SGMS1: variants seen among roughly 807,000 people sequenced by gnomAD.
SGMS1 encodes phosphatidylcholine:ceramide cholinephosphotransferase 1.
Under a neutral mutation model 46.2 loss-of-function variants are expected in SGMS1, and 13 were observed. The observed-to-expected ratio is 0.28, with a 90% CI of 0.18 to 0.45. The LOEUF (loss-of-function observed/expected upper bound fraction) is 0.45, where lower values mean the gene tolerates loss of function less well. Among genes scored for constraint, SGMS1 ranks in the 20% least tolerant of loss-of-function variants. The pLI is 1.00. For synonymous variants in SGMS1, 203 were observed against 187.8 expected (o/e 1.08, Z -0.66); for missense variants, 324 against 519.9 (o/e 0.62, Z 3.66).
chr10:50,336,308 C>T (rs184924107), intron 7 of SGMS1, among the ~76,000 whole-genome samples: 10 of 152,262 alleles, frequency 6.6e-5, no homozygotes, highest in East Asian at 3.9e-4. Context: ...AGAGAGAAAA[C>T]GTACTAGAAA....
intron 2 of SGMS1, among the ~76,000 whole-genome samples, chr10:50,564,176 A>G (rs183850729): frequency 6.6e-6 from 1 of 152,342 alleles, no homozygotes; most frequent in Admixed American, 6.5e-5. Context: ...ACAGGTAGAA[A>G]GGATTTGGCA....
chr10:50,624,711 G>C, upstream of SGMS1: 1 of 985,440 alleles, frequency 1.0e-6, no homozygotes, highest in Non-Finnish European at 1.2e-6. Context: ...GTCGCCTGAA[G>C]GAAGGTTTTC....
intron 2 of SGMS1, among the ~76,000 whole-genome samples, chr10:50,543,357 C>T (rs1838072689): frequency 6.6e-6 from 1 of 152,204 alleles, no homozygotes; most frequent in Non-Finnish European, 1.5e-5. Flanking sequence ...GGCCCTCAAT[C>T]AAGTTATTTC....
At chr10:50,438,309 C>A (rs1468390196) in intron 5 of SGMS1, among the ~76,000 whole-genome samples, 2 of 152,188 alleles carry the variant, frequency 1.3e-5, no homozygotes, top group Non-Finnish European at 2.9e-5. Flanking sequence ...ATTGTAACAT[C>A]TACTCTGCTA....
At chr10:50,589,572 C>T (rs768190717) in intron 2 of SGMS1, among the ~76,000 whole-genome samples, 2 of 152,200 alleles carry the variant, frequency 1.3e-5, no homozygotes, top group East Asian at 1.9e-4. Context: ...TGGGCTCAAG[C>T]GATCCTCCCA....
chr10:50,444,250 C>T (rs986319257), intron 5 of SGMS1, among the ~76,000 whole-genome samples: 2 of 151,960 alleles, frequency 1.3e-5, no homozygotes, highest in Non-Finnish European at 2.9e-5. Context: ...ATTTTAAATA[C>T]AAAGTCACAG....
intron 5 of SGMS1, among the ~76,000 whole-genome samples, chr10:50,452,633 C>G (rs191750536): frequency 6.6e-6 from 1 of 151,966 alleles, no homozygotes; most frequent in East Asian, 1.9e-4. Flanking sequence ...AGGCCACAAC[C>G]CTAGTAATAC....
At chr10:50,525,127 G>A (rs1022989253) in intron 2 of SGMS1, among the ~76,000 whole-genome samples, 1 of 152,094 alleles carries the variant, frequency 6.6e-6, no homozygotes, top group African/African-American at 2.4e-5. Context: ...AGCTCTCAGA[G>A]GAAAGAATCT....
At chr10:50,614,106 T>C (rs928278023) in intron 1 of SGMS1, among the ~76,000 whole-genome samples, 1 of 142,428 alleles carries the variant, frequency 7.0e-6, no homozygotes, top group Non-Finnish European at 1.6e-5. Context: ...GAACAGGAAG[T>C]CTTTCTTTTT....
At chr10:50,401,792 T>TA (rs1848944512) in intron 6 of SGMS1, among the ~76,000 whole-genome samples, 1 of 152,214 alleles carries the variant, frequency 6.6e-6, no homozygotes, top group African/African-American at 2.4e-5. Flanking sequence ...TCACTGAGGC[T>TA]AAAAAAATCC....
chr10:50,370,465 A>T (rs2133442767), intron 6 of SGMS1, among the ~76,000 whole-genome samples: 1 of 151,026 alleles, frequency 6.6e-6, no homozygotes, highest in South Asian at 2.1e-4. Context: ...GACACAAGCC[A>T]GGCATGGTGG....
intron 2 of SGMS1, among the ~76,000 whole-genome samples, chr10:50,524,939 C>T (rs928145657): frequency 3.3e-5 from 5 of 152,098 alleles, no homozygotes; most frequent in Non-Finnish European, 7.4e-5. Context: ...CTAACATCAA[C>T]GATATGCCCA....
intron 1 of SGMS1, among the ~76,000 whole-genome samples, chr10:50,609,584 C>T (rs901969349): frequency 3.0e-5 from 4 of 132,418 alleles, no homozygotes; most frequent in African/African-American, 5.7e-5. Flanking sequence ...ACAATGCTTT[C>T]AGAACAACTT....
intron 3 of SGMS1, among the ~76,000 whole-genome samples, chr10:50,475,074 T>A (rs1014037002): frequency 6.6e-6 from 1 of 152,198 alleles, no homozygotes; most frequent in African/African-American, 2.4e-5. Flanking sequence ...TTCCTGGGTA[T>A]GTTTCCAGAA....
chr10:50,486,415 T>C (rs897713540), intron 3 of SGMS1, among the ~76,000 whole-genome samples: 1 of 152,194 alleles, frequency 6.6e-6, no homozygotes. Flanking sequence ...AATCTATCCA[T>C]CTGACAAAGA....
chr10:50,481,502 CA>C (rs1255146690), intron 3 of SGMS1, among the ~76,000 whole-genome samples: 1 of 152,074 alleles, frequency 6.6e-6, no homozygotes, highest in Non-Finnish European at 1.5e-5. Flanking sequence ...ACAACATCAA[CA>C]AAAAAGACCC....
intron 5 of SGMS1, among the ~76,000 whole-genome samples, chr10:50,451,797 G>A (rs1438877910): frequency 6.6e-6 from 1 of 152,146 alleles, no homozygotes; most frequent in East Asian, 1.9e-4. Context: ...GAATTACAGA[G>A]TCAGCTGAAC....
chr10:50,600,526 T>G (rs1838639833), intron 1 of SGMS1, among the ~76,000 whole-genome samples: 1 of 152,194 alleles, frequency 6.6e-6, no homozygotes, highest in Non-Finnish European at 1.5e-5. Flanking sequence ...GAATATATTT[T>G]GAACACCCAA....
intron 1 of SGMS1, among the ~76,000 whole-genome samples, chr10:50,612,330 C>A (rs981777826): frequency 2.6e-5 from 4 of 152,168 alleles, no homozygotes; most frequent in Non-Finnish European, 2.9e-5. Context: ...AGACAGCCTG[C>A]CAGAAGGAAT....
Sources: gnomAD v4.1 joint callset for allele counts (sites outside exome capture counted in the v4.1 genomes callset) on GRCh38, gnomAD v4.1.1 for gene constraint, MANE v1.5 for transcripts, NCBI Gene and HGNC (gene_info 2026-07-23, HGNC 2026-07-21) for gene names.